MGMT: variants seen among roughly 807,000 people sequenced by gnomAD.
MGMT encodes O-6-methylguanine-DNA methyltransferase.
Under a neutral mutation model 15.9 loss-of-function variants are expected in MGMT, and 14 were observed. That is an observed-to-expected ratio of 0.88 (90% CI 0.58 to 1.37). The LOEUF (loss-of-function observed/expected upper bound fraction) is 1.37, where lower values mean the gene tolerates loss of function less well. Ranked by LOEUF, MGMT falls within the 40% of genes most tolerant of loss-of-function variation. The pLI, the probability that MGMT is intolerant of heterozygous loss-of-function variation, is 0.00. For missense variants in MGMT, 282 were observed against 268.1 expected, an observed-to-expected ratio of 1.05 and a Z score of -0.36; for synonymous variants, 130 against 118.2, an observed-to-expected ratio of 1.10 and a Z score of -0.65.
chr10:129,746,132 A>C (rs774048880), intron 3 of MGMT, among the ~76,000 whole-genome samples: 1 of 151,476 alleles, frequency 6.6e-6, no homozygotes, highest in Non-Finnish European at 1.5e-5. Context: ...CCAGCTACTC[A>C]GGAGGCTGAA....
At chr10:129,661,790 G>T (rs543929783) in intron 2 of MGMT, among the ~76,000 whole-genome samples, 1 of 152,288 alleles carries the variant, frequency 6.6e-6, no homozygotes, top group Admixed American at 6.5e-5. Flanking sequence ...TTCGAAAAAG[G>T]ACTATCTTGA....
intron 3 of MGMT, among the ~76,000 whole-genome samples, chr10:129,737,967 C>T (rs1848584136): frequency 6.6e-6 from 1 of 152,226 alleles, no homozygotes; most frequent in Non-Finnish European, 1.5e-5. Context: ...AGCTGTCAGA[C>T]AGGGACATTT....
At chr10:129,602,710 C>T (rs1297591519) in intron 2 of MGMT, among the ~76,000 whole-genome samples, 1 of 152,060 alleles carries the variant, frequency 6.6e-6, no homozygotes, top group Non-Finnish European at 1.5e-5. Flanking sequence ...TGAGTGCTCC[C>T]GGCATTACCT....
intron 2 of MGMT, among the ~76,000 whole-genome samples, chr10:129,688,281 G>C (rs1208215304): frequency 6.6e-6 from 1 of 152,182 alleles, no homozygotes; most frequent in Non-Finnish European, 1.5e-5. Context: ...CTTCCACAAT[G>C]GTTGAACTAG....
intron 3 of MGMT, among the ~76,000 whole-genome samples, chr10:129,731,476 C>T (rs1412255182): frequency 6.6e-6 from 1 of 150,480 alleles, no homozygotes; most frequent in Non-Finnish European, 1.5e-5. Context: ...GATTCTTCTG[C>T]CTCAGCTTCA....
At chr10:129,747,649 T>C (rs1340350482) in intron 3 of MGMT, among the ~76,000 whole-genome samples, 3 of 152,244 alleles carry the variant, frequency 2.0e-5, no homozygotes, top group Non-Finnish European at 4.4e-5. Flanking sequence ...ACATGTGTTA[T>C]GATTCATGAA....
At chr10:129,674,965 T>C (rs562303168) in intron 2 of MGMT, among the ~76,000 whole-genome samples, 1 of 152,252 alleles carries the variant, frequency 6.6e-6, no homozygotes, top group Admixed American at 6.5e-5. Flanking sequence ...CCAGGAGAAG[T>C]ATGAGGCATC....
intron 2 of MGMT, among the ~76,000 whole-genome samples, chr10:129,628,427 G>A (rs972488692): frequency 3.9e-5 from 6 of 152,166 alleles, no homozygotes; most frequent in African/African-American, 1.4e-4. Flanking sequence ...CTGGTGGATC[G>A]CTCGGTCGCT....
At chr10:129,576,562 A>C (rs1186328600) in intron 2 of MGMT, among the ~76,000 whole-genome samples, 1 of 152,196 alleles carries the variant, frequency 6.6e-6, no homozygotes, top group Non-Finnish European at 1.5e-5. Flanking sequence ...ATCTATGACA[A>C]ACCCACAGCC....
chr10:129,572,417 C>T (rs1208038522), intron 2 of MGMT, among the ~76,000 whole-genome samples: 1 of 152,114 alleles, frequency 6.6e-6, no homozygotes, highest in Non-Finnish European at 1.5e-5. Flanking sequence ...TTACAGAAGA[C>T]CCAGTTTAGT....
In MGMT at chr10:129,759,283, C is replaced by T; in HGVS notation, c.356C>T (p.Ala119Val). 6.2e-7 allele frequency: 1 copy of T among 1,614,176 alleles called. No individual in the cohort carries two copies. The highest frequency in any genetic ancestry group is 2.2e-5 in the East Asian group (1 of 44,874). The part of the protein sequence containing the change: ...GEVISYQQLA[A>V]LAGNPKAARA... ...GTGATTTCTTACCAGCAATTAGCAG[C>T]CCTGGCAGGCAACCCCAAAGCCGCG... Residue 119 changes from alanine (A) to valine (V), a missense_variant, in exon 4 of 5, where the codon GCC (alanine) becomes GTC (valine). Coordinates refer to ENST00000651593, the MANE Select transcript of MGMT (RefSeq NM_002412.5).
At chr10:129,657,723 A>ACG (rs1564750907) in intron 2 of MGMT, among the ~76,000 whole-genome samples, 1 of 148,530 alleles carries the variant, frequency 6.7e-6, no homozygotes, top group Non-Finnish European at 1.5e-5. Context: ...ACACACACAC[A>ACG]CACACCCCCT....
chr10:129,622,769 C>A (rs1589898879), intron 2 of MGMT, among the ~76,000 whole-genome samples: 2 of 151,888 alleles, frequency 1.3e-5, no homozygotes, highest in Middle Eastern at 3.4e-3. Flanking sequence ...TAAATGTAAT[C>A]CTGACTTTCA....
chr10:129,646,070 C>T (rs187761659), intron 2 of MGMT, among the ~76,000 whole-genome samples: 75 of 152,108 alleles, frequency 4.9e-4, no homozygotes, highest in African/African-American at 1.8e-3. Context: ...TGCATGATCC[C>T]GGTATGTGAA....
intron 1 of MGMT, among the ~76,000 whole-genome samples, chr10:129,477,206 C>T (rs1157092066): frequency 6.6e-6 from 1 of 152,224 alleles, no homozygotes; most frequent in Non-Finnish European, 1.5e-5. Flanking sequence ...ATCTTCCCCA[C>T]TCTCACTTCT....
At chr10:129,649,962 C>T (rs546669690) in intron 2 of MGMT, among the ~76,000 whole-genome samples, 1 of 152,248 alleles carries the variant, frequency 6.6e-6, no homozygotes, top group South Asian at 2.1e-4. Context: ...AATCTTTTTC[C>T]TCTTTAGCAT....
intron 2 of MGMT, among the ~76,000 whole-genome samples, chr10:129,665,521 A>G (rs1291463026): frequency 6.6e-6 from 1 of 152,068 alleles, no homozygotes; most frequent in Non-Finnish European, 1.5e-5. Flanking sequence ...GGAAGAAGCC[A>G]GACACTGAGA....
chr10:129,686,018 C>T (rs936089622), intron 2 of MGMT, among the ~76,000 whole-genome samples: 2 of 152,142 alleles, frequency 1.3e-5, no homozygotes, highest in Non-Finnish European at 2.9e-5. Context: ...TGTGCTTAAC[C>T]GCCATCCTTC....
At chr10:129,606,506 G>C (rs1011727594) in intron 2 of MGMT, among the ~76,000 whole-genome samples, 2 of 152,170 alleles carry the variant, frequency 1.3e-5, no homozygotes, top group African/African-American at 4.8e-5. Flanking sequence ...GAGGGCCTCC[G>C]CACCCGGCGC....
Sources: allele counts gnomAD v4.1 joint callset (sites outside exome capture counted in the v4.1 genomes callset), GRCh38; gene constraint gnomAD v4.1.1; transcripts MANE v1.5; gene names NCBI Gene and HGNC (gene_info 2026-07-23, HGNC 2026-07-21).